Variants in ZFYVE26 observed in about 807,000 individuals in gnomAD.
ZFYVE26 encodes the protein zinc finger FYVE-type containing 26.
In ZFYVE26, 181 loss-of-function variants were observed where a neutral mutation model predicts 276.5. That is an observed-to-expected ratio of 0.65 (90% CI 0.58 to 0.74). The LOEUF (loss-of-function observed/expected upper bound fraction) is 0.74. ZFYVE26 is among the 30% of genes least tolerant of loss of function. ZFYVE26 has a pLI of 0.00. For synonymous variants in ZFYVE26, 1,129 were observed against 1,203.1 expected, an observed-to-expected ratio of 0.94 and a Z score of 1.27; for missense variants, 2,821 against 3,097.9, an observed-to-expected ratio of 0.91 and a Z score of 2.12.
rs1188181925 is a variant in ZFYVE26, at chr14:67,755,270, G to C, written c.6787-20C>G. 1 of 1,613,804 alleles carries C rather than the reference G, an allele frequency of 6.2e-7. No homozygotes were observed. Among genetic ancestry groups the C allele is most frequent in the Admixed American group, 1.7e-5 (1 of 60,028 alleles). ...TTGGTCCTAGAAGAGGAAAATAAAT[G>C]TTCAGGTCAAAGTAGATCAGGGGTT... On this transcript the variant is annotated intron_variant, in intron 36 of 41. Transcript: ENST00000347230.
chr14:67,729,329 T>G (rs952832726), exon 14 of ZFYVE26: 10 of 1,599,558 alleles, frequency 6.3e-6, no homozygotes, highest in Non-Finnish European at 8.5e-6. Flanking sequence ...CAGACCAGCC[T>G]GCACTGCGCC....
chr14:67,786,949 ACAC>A (rs2039675034), intron 16 of ZFYVE26, among the ~76,000 whole-genome samples: 1 of 152,238 alleles, frequency 6.6e-6, no homozygotes, highest in Non-Finnish European at 1.5e-5. Context: ...AGAAAGACAA[ACAC>A]CACATGTTCT....
intron 13 of ZFYVE26, among the ~76,000 whole-genome samples, chr14:67,741,266 T>C (rs2038412994): frequency 6.6e-6 from 1 of 152,236 alleles, no homozygotes; most frequent in East Asian, 1.9e-4. Flanking sequence ...TATCAGGTTA[T>C]GTTATGTCAG....
Position 67,762,711 on chromosome 14 carries a change from G to T in ZFYVE26, c.6120C>A (p.Asn2040Lys). 6.2e-7 allele frequency: 1 copy of T among 1,614,132 alleles called. No homozygotes were observed. Among genetic ancestry groups the T allele is most frequent in the Non-Finnish European group, 8.5e-7 (1 of 1,180,044 alleles). Residue 2040 changes from asparagine (N) to lysine (K), a missense_variant, in exon 33 of 42, where the codon AAC becomes AAA. Coordinates refer to ENST00000347230, the MANE Select transcript of ZFYVE26 (RefSeq NM_015346.4). The part of the protein sequence containing the change: ...LQPAAVTRLR[N>K]QLLEAEYYQL... ...GGTAGTACTCGGCTTCCAAAAGCTG[G>T]TTCCTTAGCCTGGTTACTGCAGCTG...
intron 6 of ZFYVE26, 50 bp from the exon 7 acceptor site, chr14:67,805,668 T>C: frequency 6.3e-7 from 1 of 1,594,316 alleles, no homozygotes; most frequent in South Asian, 1.1e-5. Context: ...TGAGACAGAA[T>C]GGGTTCTAGC....
intron 30 of ZFYVE26, among the ~76,000 whole-genome samples, chr14:67,768,104 T>G (rs1475767761): frequency 6.6e-6 from 1 of 152,166 alleles, no homozygotes; most frequent in Non-Finnish European, 1.5e-5. Context: ...AGGGGCGTGT[T>G]TCTCAAATAG....
At chr14:67,790,992 G>T (rs928741277) in intron 14 of ZFYVE26, among the ~76,000 whole-genome samples, 1 of 152,162 alleles carries the variant, frequency 6.6e-6, no homozygotes, top group Non-Finnish European at 1.5e-5. Context: ...ATAGGCAAAA[G>T]ATGTGGACAA....
At chr14:67,771,398 TA>T (rs1263588904) in intron 28 of ZFYVE26, among the ~76,000 whole-genome samples, 1 of 152,234 alleles carries the variant, frequency 6.6e-6, no homozygotes, top group African/African-American at 2.4e-5. Flanking sequence ...AAAGTGACTT[TA>T]AAGTACTGCT....
intron 8 of ZFYVE26, 43 bp from the exon 9 acceptor site, chr14:67,804,307 TTA>T (rs1566896075): frequency 6.2e-7 from 1 of 1,606,990 alleles, no homozygotes; most frequent in Non-Finnish European, 8.5e-7. Flanking sequence ...GCAGTTTATA[TTA>T]TTGCTCGAAG....
chr14:67,757,156 G>A (rs1283344264), intron 35 of ZFYVE26, among the ~76,000 whole-genome samples: 1 of 152,150 alleles, frequency 6.6e-6, no homozygotes, highest in African/African-American at 2.4e-5. Context: ...CGTTTGTCTG[G>A]ATTATTGCAA....
At chr14:67,789,227 A>C in intron 16 of ZFYVE26, 108 bp downstream of exon 16, 1 of 1,483,882 alleles carries the variant, frequency 6.7e-7, no homozygotes, top group Non-Finnish European at 9.3e-7. Flanking sequence ...TAATCCATTC[A>C]CCATCTGCCT....
chr14:67,759,897 C>T (rs1473754454), intron 35 of ZFYVE26, among the ~76,000 whole-genome samples: 2 of 152,144 alleles, frequency 1.3e-5, no homozygotes, highest in African/African-American at 4.8e-5. Flanking sequence ...ACAAAATACA[C>T]AGGGAAAAGG....
At chr14:67,798,674 G>A (rs1269860985) in intron 10 of ZFYVE26, 52 bp from the exon 11 acceptor site, 4 of 1,576,358 alleles carry the variant, frequency 2.5e-6, no homozygotes, top group Non-Finnish European at 3.5e-6. Flanking sequence ...GACAGAGAAT[G>A]CAAACATTAG....
chr14:67,795,710 C>G (rs754295208), intron 12 of ZFYVE26, among the ~76,000 whole-genome samples: 1 of 151,978 alleles, frequency 6.6e-6, no homozygotes, highest in South Asian at 2.1e-4. Context: ...CTGCATAATG[C>G]GCCTATATTA....
intron 35 of ZFYVE26, among the ~76,000 whole-genome samples, chr14:67,760,155 G>C (rs189977618): frequency 2.0e-4 from 31 of 152,194 alleles, no homozygotes; most frequent in Admixed American, 8.5e-4. Flanking sequence ...GCTGTCAGAG[G>C]GAACGGAACT....
downstream of ZFYVE26, among the ~76,000 whole-genome samples, chr14:67,742,655 G>C (rs1210680820): frequency 2.6e-5 from 4 of 152,122 alleles, no homozygotes; most frequent in African/African-American, 4.8e-5. Context: ...GAAGGGACAG[G>C]TTCTTCTGGC....
rs935300760 is a variant in ZFYVE26 at position 67,767,455 on chromosome 14, A to T, written c.5790+249T>A. On this transcript the variant is annotated intron_variant, in intron 31 of 41. Transcript: ENST00000347230. ...CACGACCCCCAGCTTTCTGCTTGTCACACTCCTACCATTCTTCCAAAGCTC... is the reference window on the plus strand; with the variant it reads ...CACGACCCCCAGCTTTCTGCTTGTCTCACTCCTACCATTCTTCCAAAGCTC... Among the ~76,000 whole-genome samples the T allele has an allele frequency of 2.0e-5, 3 of 151,802 alleles. 1 individual carries two copies. The highest frequency in any genetic ancestry group is 4.4e-5 in the Non-Finnish European group (3 of 67,982).
chr14:67,740,577 C>G (rs1439946127), intron 13 of ZFYVE26, among the ~76,000 whole-genome samples: 1 of 152,066 alleles, frequency 6.6e-6, no homozygotes, highest in East Asian at 1.9e-4. Flanking sequence ...CAATGGATAT[C>G]ATACTTCATG....
chr14:67,799,311 T>C (rs2040031634), intron 10 of ZFYVE26: 2 of 1,613,490 alleles, frequency 1.2e-6, no homozygotes, highest in Non-Finnish European at 1.7e-6. Flanking sequence ...ATAAGGAATA[T>C]TGTTCAGCAA....
Sources: gnomAD v4.1 joint callset for allele counts (sites outside exome capture counted in the v4.1 genomes callset) on GRCh38, gnomAD v4.1.1 for gene constraint, MANE v1.5 for transcripts, NCBI Gene and HGNC (gene_info 2026-07-23, HGNC 2026-07-21) for gene names.